Variants in VRK2 observed in about 807,000 individuals in gnomAD.
VRK2 encodes serine/threonine-protein kinase VRK2.
VRK2 carries 60 observed loss-of-function variants against 57.6 expected under a neutral mutation model. That is an observed-to-expected ratio of 1.04 (90% CI 0.85 to 1.29). The LOEUF (loss-of-function observed/expected upper bound fraction) is 1.29. VRK2 is among the 50% of genes most tolerant of loss of function. VRK2 has a pLI of 0.00. For missense variants in VRK2, 705 were observed against 588.1 expected (o/e 1.20, Z -2.06); for synonymous variants, 231 against 199.2 (o/e 1.16, Z -1.35).
At chr2:58,042,199 A>C (rs1377391678), upstream of VRK2, among the ~76,000 whole-genome samples, 1 of 152,224 alleles carries the variant, frequency 6.6e-6, no homozygotes, top group African/African-American at 2.4e-5. Context: ...TTCTTCATTT[A>C]TATAGACAAT....
intron 11 of VRK2, among the ~76,000 whole-genome samples, chr2:58,143,781 G>A (rs987274445): frequency 6.6e-6 from 1 of 151,758 alleles, no homozygotes; most frequent in Non-Finnish European, 1.5e-5. Context: ...GCACTCCCAT[G>A]TTCATTGCAA....
At chr2:57,925,204 G>A (rs1342308844) in intron 1 of VRK2, among the ~76,000 whole-genome samples, 1 of 151,964 alleles carries the variant, frequency 6.6e-6, no homozygotes, top group Non-Finnish European at 1.5e-5. Flanking sequence ...TTTGGTATCT[G>A]GGTAATACTG....
At chr2:57,972,029 C>A (rs1672112320) in intron 1 of VRK2, among the ~76,000 whole-genome samples, 2 of 151,750 alleles carry the variant, frequency 1.3e-5, no homozygotes, top group South Asian at 4.1e-4. Flanking sequence ...GCTCTGGGGA[C>A]CTGTTGACCA....
intron 7 of VRK2, among the ~76,000 whole-genome samples, chr2:58,095,845 C>T (rs1022707826): frequency 6.6e-6 from 1 of 151,888 alleles, no homozygotes; most frequent in Non-Finnish European, 1.5e-5. Context: ...TTGGAAATGC[C>T]TGAAGTATTA....
At chr2:58,085,041 A>T in intron 4 of VRK2, 91 bp downstream of exon 4, 1 of 1,170,148 alleles carries the variant, frequency 8.5e-7, no homozygotes, top group Middle Eastern at 2.2e-4. Context: ...CTTCTGGAAA[A>T]TTCTTTTCAA....
intron 2 of VRK2, among the ~76,000 whole-genome samples, chr2:58,064,384 T>C (rs1258880831): frequency 6.6e-6 from 1 of 152,016 alleles, no homozygotes; most frequent in East Asian, 1.9e-4. Context: ...ACTACCCTGA[T>C]CAGTCAGCAG....
intron 1 of VRK2, chr2:58,048,532 T>C (rs1381633997): frequency 7.4e-7 from 1 of 1,353,314 alleles, no homozygotes; most frequent in East Asian, 4.4e-5. Flanking sequence ...TTAAGGTGTG[T>C]CCTGCACTGT....
upstream of VRK2, among the ~76,000 whole-genome samples, chr2:58,046,352 A>C (rs1054458229): frequency 9.2e-5 from 14 of 152,336 alleles, no homozygotes; most frequent in African/African-American, 2.9e-4. Flanking sequence ...TGAGAACTTA[A>C]ACGCGGTGAG....
intron 1 of VRK2, among the ~76,000 whole-genome samples, chr2:57,990,542 C>G (rs1477197756): frequency 6.6e-6 from 1 of 152,118 alleles, no homozygotes; most frequent in South Asian, 2.1e-4. Context: ...TACTTATCAT[C>G]AAAAAGATCA....
At chr2:58,142,463 A>T (rs1242164317) in intron 11 of VRK2, among the ~76,000 whole-genome samples, 2 of 151,630 alleles carry the variant, frequency 1.3e-5, no homozygotes, top group Non-Finnish European at 1.5e-5. Flanking sequence ...TGATATTGAT[A>T]TTTTTTTCAT....
chr2:57,926,219 C>T (rs1361757003), intron 1 of VRK2, among the ~76,000 whole-genome samples: 3 of 151,712 alleles, frequency 2.0e-5, no homozygotes, highest in African/African-American at 7.3e-5. Flanking sequence ...ATAAATTGTT[C>T]TGTATATATC....
chr2:57,943,591 A>C (rs1476638011), intron 1 of VRK2, among the ~76,000 whole-genome samples: 1 of 152,216 alleles, frequency 6.6e-6, no homozygotes, highest in Non-Finnish European at 1.5e-5. Flanking sequence ...TGGACATAAG[A>C]CTGGACTTAA....
At chr2:58,129,596 G>T (rs1190625455) in intron 8 of VRK2, among the ~76,000 whole-genome samples, 1 of 152,162 alleles carries the variant, frequency 6.6e-6, no homozygotes, top group East Asian at 1.9e-4. Context: ...TGCATACATA[G>T]ATTTTAATAT....
At chr2:58,039,804 G>A (rs901959585) in intron 3 of VRK2, among the ~76,000 whole-genome samples, 1 of 151,986 alleles carries the variant, frequency 6.6e-6, no homozygotes, top group African/African-American at 2.4e-5. Flanking sequence ...TGTTAACAGA[G>A]AGTATTTTTA....
intron 1 of VRK2, among the ~76,000 whole-genome samples, chr2:58,023,614 T>C (rs532358748): frequency 1.3e-5 from 2 of 152,302 alleles, no homozygotes; most frequent in South Asian, 4.1e-4. Context: ...TAAAATAAAA[T>C]GTCTGCAATT....
intron 3 of VRK2, among the ~76,000 whole-genome samples, chr2:58,084,594 A>G (rs1443147881): frequency 6.6e-6 from 1 of 151,884 alleles, no homozygotes; most frequent in Non-Finnish European, 1.5e-5. Flanking sequence ...ATGTTTATGT[A>G]TACAGTTCTC....
intron 1 of VRK2, among the ~76,000 whole-genome samples, chr2:58,016,937 A>G (rs1162219532): frequency 1.3e-5 from 2 of 152,134 alleles, no homozygotes; most frequent in African/African-American, 2.4e-5. Context: ...GGAGTCTGAC[A>G]TTTTGTTTAG....
chr2:57,994,889 C>A (rs1013314901), intron 1 of VRK2, among the ~76,000 whole-genome samples: 1 of 152,086 alleles, frequency 6.6e-6, no homozygotes, highest in African/African-American at 2.4e-5. Flanking sequence ...TTATCTTACA[C>A]TTTTGAAAAT....
rs772465160 is a variant in VRK2, at chr2:58,089,633, G to T, written c.453G>T (p.Leu151Phe). 6.4e-7 allele frequency: 1 copy of T among 1,573,658 alleles called. No homozygotes were observed. Among genetic ancestry groups the T allele is most frequent in the Non-Finnish European group, 8.7e-7 (1 of 1,153,782 alleles). Reference sequence around the variant, plus strand: ...ATTTTATCTATTTATTTTCACAGTTGGATGTACTGGAATATATACATGAAA... The same window carrying T: ...ATTTTATCTATTTATTTTCACAGTTTGATGTACTGGAATATATACATGAAA... ...STVLQLGIRM[L>F]DVLEYIHENE... The change falls in exon 7 of 13, where the codon TTG becomes TTT. Residue 151 changes from leucine to phenylalanine, a missense_variant and splice_region_variant. Coordinates refer to ENST00000340157, the MANE Select transcript of VRK2 (RefSeq NM_006296.7).
Sources: gnomAD v4.1 joint callset for allele counts (sites outside exome capture counted in the v4.1 genomes callset) on GRCh38, gnomAD v4.1.1 for gene constraint, MANE v1.5 for transcripts, NCBI Gene and HGNC (gene_info 2026-07-23, HGNC 2026-07-21) for gene names.